Variants in ZNF385D observed in about 807,000 individuals in gnomAD.
ZNF385D encodes the protein zinc finger protein 659.
A neutral mutation model predicts 35.8 loss-of-function variants in ZNF385D; 15 were observed. The ratio of observed to expected loss-of-function variants is 0.42; its 90% CI spans 0.28 to 0.64. The LOEUF (loss-of-function observed/expected upper bound fraction) is 0.64, where lower values mean the gene tolerates loss of function less well. Ranked by LOEUF, ZNF385D falls within the 30% of genes least tolerant of loss-of-function variation. The pLI is 0.23. For synonymous variants in ZNF385D, 212 were observed against 186.8 expected (o/e 1.13, Z -1.10); for missense variants, 474 against 494.6 (o/e 0.96, Z 0.39).
intron 3 of ZNF385D, among the ~76,000 whole-genome samples, chr3:21,887,384 G>T (rs1398460286): frequency 6.6e-6 from 1 of 152,098 alleles, no homozygotes; most frequent in African/African-American, 2.4e-5. Context: ...ATGAAATGAA[G>T]GGAGAGCATT....
At chr3:21,636,354 TTA>T (rs1345158325) in intron 2 of ZNF385D, among the ~76,000 whole-genome samples, 1 of 109,802 alleles carries the variant, frequency 9.1e-6, no homozygotes, top group Non-Finnish European at 1.9e-5. Flanking sequence ...ATATATATGA[TTA>T]TATATGATTA....
intron 4 of ZNF385D, among the ~76,000 whole-genome samples, chr3:21,471,672 TAC>T (rs1703908840): frequency 6.6e-6 from 1 of 152,150 alleles, no homozygotes; most frequent in South Asian, 2.1e-4. Flanking sequence ...TATTTTTTGT[TAC>T]AGTCAGTTTT....
intron 1 of ZNF385D, among the ~76,000 whole-genome samples, chr3:21,732,640 C>A (rs1367702650): frequency 6.6e-6 from 1 of 152,142 alleles, no homozygotes; most frequent in East Asian, 1.9e-4. Flanking sequence ...TCTAATGATA[C>A]ATGATGTGGA....
chr3:22,230,438 G>A (rs1698819618), intron 2 of ZNF385D, among the ~76,000 whole-genome samples: 1 of 152,074 alleles, frequency 6.6e-6, no homozygotes, highest in Non-Finnish European at 1.5e-5. Context: ...CTTCCCTGGA[G>A]TTTTCTTAGT....
intron 2 of ZNF385D, among the ~76,000 whole-genome samples, chr3:22,260,141 G>T (rs1297434256): frequency 1.3e-5 from 2 of 151,884 alleles, no homozygotes; most frequent in East Asian, 1.9e-4. Flanking sequence ...CTTAAGGAAA[G>T]AATTTTTAAA....
chr3:21,983,455 G>C (rs80156909), intron 3 of ZNF385D, among the ~76,000 whole-genome samples: 1 of 101,606 alleles, frequency 9.8e-6, no homozygotes, highest in Admixed American at 1.1e-4. Flanking sequence ...GAGAATGATG[G>C]TTTCCAATTT....
chr3:21,829,958 T>C (rs927599311), intron 3 of ZNF385D, among the ~76,000 whole-genome samples: 1 of 151,934 alleles, frequency 6.6e-6, no homozygotes, highest in African/African-American at 2.4e-5. Context: ...ACCCCATCTC[T>C]ACTAAAAATG....
intron 4 of ZNF385D, among the ~76,000 whole-genome samples, chr3:21,472,871 C>T (rs1388037232): frequency 2.0e-5 from 3 of 152,100 alleles, no homozygotes; most frequent in East Asian, 1.9e-4. Context: ...ATCTGAGCCT[C>T]TCATGGTTCT....
chr3:22,042,445 T>A (rs1698724138), intron 3 of ZNF385D, among the ~76,000 whole-genome samples: 1 of 152,140 alleles, frequency 6.6e-6, no homozygotes, highest in Non-Finnish European at 1.5e-5. Context: ...AAAAAAAAGT[T>A]TTTCCTTTGT....
chr3:22,188,785 G>C (rs1301920744), intron 2 of ZNF385D, among the ~76,000 whole-genome samples: 1 of 152,148 alleles, frequency 6.6e-6, no homozygotes, highest in Non-Finnish European at 1.5e-5. Context: ...CAAATATCTA[G>C]AGAAATATCT....
At chr3:21,453,789 GA>G (rs887982670) in intron 4 of ZNF385D, among the ~76,000 whole-genome samples, 4 of 151,950 alleles carry the variant, frequency 2.6e-5, no homozygotes, top group African/African-American at 9.7e-5. Flanking sequence ...TGTCACTGTG[GA>G]AAAATTTAGT....
At chr3:21,824,822 G>A (rs1053416404) in intron 3 of ZNF385D, among the ~76,000 whole-genome samples, 3 of 152,108 alleles carry the variant, frequency 2.0e-5, no homozygotes, top group African/African-American at 7.2e-5. Flanking sequence ...AAATTATTCT[G>A]AAGTTCCTTG....
chr3:21,978,681 A>T (rs1433916247), intron 3 of ZNF385D, among the ~76,000 whole-genome samples: 2 of 152,164 alleles, frequency 1.3e-5, no homozygotes, highest in Admixed American at 1.3e-4. Flanking sequence ...TATTATGTCT[A>T]TGTCTCTAGA....
intron 3 of ZNF385D, among the ~76,000 whole-genome samples, chr3:21,904,547 T>C (rs1429192511): frequency 2.0e-5 from 3 of 152,130 alleles, no homozygotes; most frequent in Non-Finnish European, 1.5e-5. Context: ...CAAAGTCACG[T>C]CATCTTTCTG....
chr3:21,829,462 C>G (rs947714591), intron 3 of ZNF385D, among the ~76,000 whole-genome samples: 5 of 152,010 alleles, frequency 3.3e-5, no homozygotes, highest in African/African-American at 1.2e-4. Flanking sequence ...GAGACAGGGT[C>G]AGAGAGAAGG....
intron 3 of ZNF385D, among the ~76,000 whole-genome samples, chr3:22,085,661 G>A (rs1344062982): frequency 6.6e-6 from 1 of 152,072 alleles, no homozygotes; most frequent in Non-Finnish European, 1.5e-5. Context: ...AGAGGAGCTG[G>A]TACCATTTCT....
chr3:22,319,115 G>A (rs1009970141), intron 2 of ZNF385D, among the ~76,000 whole-genome samples: 32 of 152,122 alleles, frequency 2.1e-4, no homozygotes, highest in African/African-American at 5.8e-4. Flanking sequence ...TCATAAAGCC[G>A]CCCAATATAA....
chr3:21,561,524 A>C (rs1412697100), intron 3 of ZNF385D, among the ~76,000 whole-genome samples: 1 of 152,208 alleles, frequency 6.6e-6, no homozygotes, highest in Non-Finnish European at 1.5e-5. Context: ...CTCAGTTGGA[A>C]ATGCAGAAAT....
At chr3:21,920,203 C>T (rs896580851) in intron 3 of ZNF385D, among the ~76,000 whole-genome samples, 2 of 152,104 alleles carry the variant, frequency 1.3e-5, no homozygotes, top group Admixed American at 1.3e-4. Flanking sequence ...TATACTGACC[C>T]CTGATTTATG....
Sources: allele counts gnomAD v4.1 joint callset (sites outside exome capture counted in the v4.1 genomes callset), GRCh38; gene constraint gnomAD v4.1.1; transcripts MANE v1.5; gene names NCBI Gene and HGNC (gene_info 2026-07-23, HGNC 2026-07-21).